The following ZNF624 variants were observed in gnomAD, a reference collection of about 807,000 sequenced individuals.
ZNF624 encodes the protein zinc finger protein 624.
ZNF624 carries 43 observed loss-of-function variants against 74.7 expected under a neutral mutation model. The observed-to-expected ratio is 0.58, with a 90% CI of 0.45 to 0.74. The LOEUF is 0.74. ZNF624 is among the 30% of genes least tolerant of loss of function. The pLI, the probability that ZNF624 is intolerant of heterozygous loss-of-function variation, is 0.00. For synonymous variants in ZNF624, 331 were observed against 341.3 expected (o/e 0.97, Z 0.33); for missense variants, 820 against 1,030.0 (o/e 0.80, Z 2.79).
chr17:16,617,739 G>C, downstream of ZNF624: 1 of 1,603,558 alleles, frequency 6.2e-7, no homozygotes, highest in Non-Finnish European at 8.5e-7. Context: ...GGCGTCGTCG[G>C]TGTCGCGGGA....
At chr17:16,614,945 AG>A in the ZNF624 span, among the ~76,000 whole-genome samples, 2 of 152,244 alleles carry the variant, frequency 1.3e-5, no homozygotes, top group Admixed American at 6.5e-5. Flanking sequence ...GAAATAAGCC[AG>A]TTACCAAAGG....
At chr17:16,650,662 A>G (rs1226399923) in intron 1 of ZNF624, among the ~76,000 whole-genome samples, 1 of 152,162 alleles carries the variant, frequency 6.6e-6, no homozygotes, top group Non-Finnish European at 1.5e-5. Flanking sequence ...GTAGGATATC[A>G]AACAGTACAG....
chr17:16,623,942 T>G lies in ZNF624; in HGVS notation c.944A>C (p.Gln315Pro). The change falls in exon 6 of 6, where the codon CAG (glutamine) becomes CCG (proline). Residue 315 changes from glutamine to proline, a missense_variant. Gln to Pro is a moderately conservative substitution (Grantham distance 76). Transcript: ENST00000311331. The surrounding 1 kb of genome is among the most constrained non-coding windows in gnomAD (Gnocchi z 5.3). Reference protein sequence around the residue: ...ECNECGKTFSQPSYLSQHKKI... With the variant: ...ECNECGKTFSPPSYLSQHKKI... ...TTTGTGCTGACTGAGATATGAAGGC[T>G]GGCTGAATGTTTTCCCACATTCATT... 6.2e-7 allele frequency: 1 copy of G among 1,613,968 alleles called. No individual in the cohort carries two copies. Among genetic ancestry groups the G allele is most frequent in the Non-Finnish European group, 8.5e-7 (1 of 1,180,002 alleles).
At chr17:16,626,648 A>C (rs961664010) in intron 5 of ZNF624, among the ~76,000 whole-genome samples, 3 of 152,336 alleles carry the variant, frequency 2.0e-5, no homozygotes, top group Non-Finnish European at 4.4e-5. Context: ...AATACTTGGA[A>C]GGCTGAAGCT....
At chr17:16,643,047 C>T (rs1320218413) in intron 3 of ZNF624, among the ~76,000 whole-genome samples, 3 of 152,302 alleles carry the variant, frequency 2.0e-5, no homozygotes, top group East Asian at 3.9e-4. Flanking sequence ...AGAAGTAGAG[C>T]AACTGCAACA....
intron 3 of ZNF624, among the ~76,000 whole-genome samples, chr17:16,637,531 G>A (rs1909362994): frequency 6.6e-6 from 1 of 152,170 alleles, no homozygotes; most frequent in Non-Finnish European, 1.5e-5. Flanking sequence ...ATAGATCAAT[G>A]GAACAGAACA....
rs1909007919 is a variant in ZNF624 at position 16,624,288 on chromosome 17, G to T, written c.598C>A (p.Gln200Lys). Reference protein sequence around the residue: ...IIPLKKTPTSQRGFRFESILI... With the variant: ...IIPLKKTPTSKRGFRFESILI... ...ATAGATTCAAATCTAAAGCCTCTTT[G>T]ACTAGTGGGAGTCTTCTTGAGTGGA... Residue 200 changes from glutamine (Q) to lysine (K), a missense_variant, in exon 6 of 6, where the codon CAA becomes AAA. By Grantham distance (53) the Gln-to-Lys change is moderately conservative (BLOSUM62 1). Transcript: ENST00000311331. 6.2e-7 allele frequency: 1 copy of T among 1,613,766 alleles called. No homozygotes were observed. The highest frequency in any genetic ancestry group is 1.1e-5 in the South Asian group (1 of 91,004).
chr17:16,652,687 G>A (rs1268168345), intron 1 of ZNF624, among the ~76,000 whole-genome samples: 1 of 152,212 alleles, frequency 6.6e-6, no homozygotes, highest in Non-Finnish European at 1.5e-5. Context: ...TGAGACCTCT[G>A]AGACCTGGGG....
chr17:16,634,559 G>A (rs1909281094), intron 4 of ZNF624, 71 bp downstream of exon 4: 3 of 1,535,042 alleles, frequency 2.0e-6, no homozygotes, highest in African/African-American at 1.4e-5. Flanking sequence ...AAGTACTTTA[G>A]AGGCCCTTTA....
At chr17:16,618,862 A>G (rs1024325473), downstream of ZNF624, among the ~76,000 whole-genome samples, 2 of 152,238 alleles carry the variant, frequency 1.3e-5, no homozygotes, top group Non-Finnish European at 2.9e-5. Flanking sequence ...GTGTTAATTG[A>G]CTATATTATT....
chr17:16,645,892 C>T (rs1253990514), intron 3 of ZNF624, among the ~76,000 whole-genome samples: 1 of 129,038 alleles, frequency 7.7e-6, no homozygotes, highest in Non-Finnish European at 1.5e-5. Context: ...GCAGAGGTTG[C>T]AGTGAGCCAA....
At chr17:16,634,818 T>A (rs890131780) in intron 3 of ZNF624, 62 bp from the exon 4 acceptor site, 15 of 1,520,262 alleles carry the variant, frequency 9.9e-6, no homozygotes, top group Non-Finnish European at 1.3e-5. Context: ...GGCAGAATTA[T>A]ACATAAAAAA....
chr17:16,617,859 C>A, downstream of ZNF624: 1 of 1,609,408 alleles, frequency 6.2e-7, no homozygotes, highest in South Asian at 1.1e-5. Context: ...GTAGCTTAGG[C>A]GTCCTATGTA....
chr17:16,646,092 T>C (rs1240335728), intron 3 of ZNF624, among the ~76,000 whole-genome samples: 1 of 152,128 alleles, frequency 6.6e-6, no homozygotes, highest in Admixed American at 6.6e-5. Flanking sequence ...CTAAGCTATG[T>C]TTAGTATGTA....
At chr17:16,615,952 T>C (rs1158892450), downstream of ZNF624, among the ~76,000 whole-genome samples, 4 of 100,748 alleles carry the variant, frequency 4.0e-5, no homozygotes, top group Non-Finnish European at 7.8e-5. Flanking sequence ...ATCTATTCCA[T>C]ATACATATAT....
At chr17:16,625,340 C>T (rs565427136) in intron 5 of ZNF624, among the ~76,000 whole-genome samples, 1 of 152,228 alleles carries the variant, frequency 6.6e-6, no homozygotes, top group Admixed American at 6.5e-5. Flanking sequence ...TGCCACCACG[C>T]CCGGCTCATT....
rs140618444 is a variant in ZNF624, at chr17:16,623,085, C to T, written c.1801G>A (p.Val601Ile). ...ESFRIKSHLT[V>I]HQRIHTGEKP... is the part of the protein sequence containing the mutation. ...TCTCCAGTGTGAATTCTCTGATGTACAGTTAAGTGTGATTTTATTCTGAAA... is the reference window on the plus strand; with the variant it reads ...TCTCCAGTGTGAATTCTCTGATGTATAGTTAAGTGTGATTTTATTCTGAAA... The change falls in exon 6 of 6, where the codon GTA (valine) becomes ATA (isoleucine). Residue 601 changes from valine (V) to isoleucine (I), a missense_variant. Val to Ile is a conservative substitution (Grantham distance 29, BLOSUM62 3). Transcript: ENST00000311331. The surrounding 1 kb of genome is among the most constrained non-coding windows in gnomAD (Gnocchi z 5.3). The T allele has an allele frequency of 7.9e-5, 128 of 1,613,960 alleles. No individual in the cohort carries two copies. In the African/African-American group the frequency reaches 1.5e-3, roughly 20 times the overall value.
chr17:16,623,008 AT>A lies in ZNF624; in HGVS notation c.1877del (p.Asn626IlefsTer12). ...TATGAATTTTCTGATGCTCCTTGAGATTTACCATTTTGGTGAATGCCCTCTC... is the reference window on the plus strand; with the variant it reads ...TATGAATTTTCTGATGCTCCTTGAGATTACCATTTTGGTGAATGCCCTCTC... ...DCERAFTKMV[N>X]LKEHQKIHTG... On this transcript the variant is annotated frameshift_variant, in exon 6 of 6. Transcript: ENST00000311331. LOFTEE classifies it high-confidence loss of function. The surrounding 1 kb of genome is among the most constrained non-coding windows in gnomAD (Gnocchi z 5.3). The A allele has an allele frequency of 6.2e-7, 1 of 1,613,824 alleles. No individual in the cohort carries two copies.
chr17:16,624,611 T>C (rs1045433495), intron 5 of ZNF624, 102 bp from the exon 6 acceptor site: 7 of 1,050,344 alleles, frequency 6.7e-6, no homozygotes, highest in Non-Finnish European at 9.4e-6. Flanking sequence ...AATGAATATA[T>C]GGTTTTAATT....
Sources: gnomAD v4.1 joint callset for allele counts (sites outside exome capture counted in the v4.1 genomes callset) on GRCh38, gnomAD v4.1.1 for gene constraint, Gnocchi (gnomAD v3.1) non-coding constraint, MANE v1.5 for transcripts, NCBI Gene and HGNC (gene_info 2026-07-23, HGNC 2026-07-21) for gene names.